Variants in PLA2R1 observed in about 807,000 individuals in gnomAD.
The protein encoded by PLA2R1 is secretory phospholipase A2 receptor.
A neutral mutation model predicts 195.9 loss-of-function variants in PLA2R1; 158 were observed. The ratio of observed to expected loss-of-function variants is 0.81; its 90% confidence interval spans 0.71 to 0.92. PLA2R1 has a LOEUF of 0.92. PLA2R1 is among the 40% of genes least tolerant of loss of function. PLA2R1 has a pLI of 0.00. For synonymous variants in PLA2R1, 586 were observed against 598.2 expected, an observed-to-expected ratio of 0.98 and a Z score of 0.30; for missense variants, 1,626 against 1,764.6, an observed-to-expected ratio of 0.92 and a Z score of 1.41.
intron 11 of PLA2R1, among the ~76,000 whole-genome samples, chr2:159,998,261 T>C (rs1293303927): frequency 6.6e-6 from 1 of 152,188 alleles, no homozygotes; most frequent in Non-Finnish European, 1.5e-5. Context: ...GAAAGTCTAA[T>C]ATTTATTAAG....
chr2:159,990,379 C>G (rs1690688597), intron 11 of PLA2R1, among the ~76,000 whole-genome samples: 1 of 152,178 alleles, frequency 6.6e-6, no homozygotes, highest in Non-Finnish European at 1.5e-5. Context: ...TTAAGAAATT[C>G]TGATTCACCA....
chr2:160,051,338 T>C (rs1299087711), intron 1 of PLA2R1, among the ~76,000 whole-genome samples: 1 of 152,224 alleles, frequency 6.6e-6, no homozygotes, highest in African/African-American at 2.4e-5. Context: ...CCCCAGTCCA[T>C]AGGTTTGAAA....
intron 28 of PLA2R1, among the ~76,000 whole-genome samples, chr2:159,943,088 G>A (rs1363030370): frequency 3.4e-5 from 5 of 147,350 alleles, no homozygotes; most frequent in African/African-American, 4.9e-5. Context: ...TCTTGCCTCA[G>A]CTTCCTTAGT....
intron 10 of PLA2R1, among the ~76,000 whole-genome samples, chr2:160,008,023 T>C (rs930380504): frequency 9.2e-5 from 14 of 152,248 alleles, no homozygotes. Flanking sequence ...CAGTGTGGGC[T>C]GGGCATATTG....
chr2:160,025,926 C>T (rs1055537531), intron 6 of PLA2R1, among the ~76,000 whole-genome samples: 2 of 152,082 alleles, frequency 1.3e-5, no homozygotes, highest in Non-Finnish European at 2.9e-5. Context: ...GTAGGATGAA[C>T]AAGTCTGAAG....
At chr2:159,946,133 A>T (rs1511223) in intron 27 of PLA2R1, 21 of 772,614 alleles carry the variant, frequency 2.7e-5, no homozygotes, top group Non-Finnish European at 3.3e-5. Context: ...GTCTGAAAAT[A>T]ATTTAAAACT....
chr2:159,976,999 A>G (rs1333878254), intron 15 of PLA2R1, among the ~76,000 whole-genome samples: 2 of 152,218 alleles, frequency 1.3e-5, no homozygotes, highest in African/African-American at 2.4e-5. Flanking sequence ...TGTGCAAGTA[A>G]TTCCATTTGC....
chr2:160,043,142 C>T (rs72970765), intron 2 of PLA2R1, among the ~76,000 whole-genome samples: 14,062 of 152,128 alleles, frequency 0.092, 932 homozygotes, highest in East Asian at 0.25. Flanking sequence ...GCTGTCTCCC[C>T]GCCATACTGC....
intron 27 of PLA2R1, 98 bp from the exon 28 acceptor site, chr2:159,945,180 AT>A: frequency 1.7e-6 from 1 of 581,932 alleles, no homozygotes; most frequent in Non-Finnish European, 2.6e-6. Flanking sequence ...GAATTTTTTT[AT>A]TTTTTTATTT....
chr2:160,062,325 G>C lies in PLA2R1; in HGVS notation c.79C>G (p.Leu27Val), dbSNP rs1271428092. The change falls in exon 1 of 30, where the codon CTT (leucine) becomes GTT (valine). Residue 27 changes from leucine to valine, a missense_variant. By Grantham distance (32) the Leu-to-Val change is conservative. Coordinates refer to ENST00000283243, the MANE Select transcript of PLA2R1 (RefSeq NM_007366.5). ...CACTCCAGGAGCCGCTCGGGGGTAA[G>C]CGCCGCCGCCACACCCTCGGCGCAG... is the stretch of plus-strand genomic sequence containing the variant. The part of the protein sequence containing the change: ...RGCAEGVAAA[L>V]TPERLLEWQD... 6.6e-7 allele frequency: 1 copy of C among 1,525,010 alleles called. No homozygotes were observed. Among genetic ancestry groups the C allele is most frequent in the Admixed American group, 2.1e-5 (1 of 48,194 alleles). The allele number at this position is 1,525,010 out of a possible 1,614,324, so 94.5% of individuals were successfully genotyped here. A position where few individuals can be genotyped will look rare whatever the true frequency, so the allele number is the denominator to read the frequency against.
At chr2:159,979,775 TC>T in intron 14 of PLA2R1, 54 bp downstream of exon 14, 1 of 1,018,166 alleles carries the variant, frequency 9.8e-7, no homozygotes, top group Non-Finnish European at 1.5e-6. Flanking sequence ...TACCAAGTGG[TC>T]CCAGGCCCAC....
chr2:159,951,471 CA>C lies in PLA2R1; in HGVS notation c.3408del (p.Tyr1136Ter), dbSNP rs1417669187. 6.2e-7 allele frequency: 1 copy of C among 1,610,238 alleles called. No homozygotes were observed. The highest frequency in any genetic ancestry group is 1.7e-4 in the Middle Eastern group (1 of 6,056). On this transcript the variant is annotated frameshift_variant, in exon 24 of 30. Transcript: ENST00000283243. LOFTEE classifies it high-confidence loss of function. ...TGCATCAGGCAGGTTTTTATTGCTGCATACCAAGTCATATTTGCATTAATTA... is the reference window on the plus strand; with the variant it reads ...TGCATCAGGCAGGTTTTTATTGCTGCTACCAAGTCATATTTGCATTAATTA... ...YKIINANMTW[Y>X]AAIKTCLMHK...
intron 1 of PLA2R1, among the ~76,000 whole-genome samples, chr2:160,056,283 C>T (rs977778178): frequency 6.6e-6 from 1 of 152,066 alleles, no homozygotes; most frequent in African/African-American, 2.4e-5. Context: ...CATATGTAGA[C>T]CTATATGCTG....
intron 16 of PLA2R1, 34 bp from the exon 17 acceptor site, chr2:159,976,259 G>T: frequency 2.0e-6 from 3 of 1,515,842 alleles, no homozygotes; most frequent in South Asian, 2.4e-5. Flanking sequence ...ATGCTGAAAT[G>T]ATAAATAGGT....
At position 159,987,195 on chromosome 2, in the gene PLA2R1, CA is replaced by C. The variant is rs751682825; in HGVS notation, c.1997del (p.Leu666TrpfsTer22). ...CCAGACCAGGCTCTGACTCCCAGTC[CA>C]AATAGCAGGGGTGAAAGGGCCATCT... is the stretch of plus-strand genomic sequence containing the variant. Reference protein sequence around the residue: ...EERWPFHPCYLDWESEPGLAS... With the variant: ...EERWPFHPCYXDWESEPGLAS... On this transcript the variant is annotated frameshift_variant, in exon 12 of 30. Coordinates refer to ENST00000283243, the MANE Select transcript of PLA2R1 (RefSeq NM_007366.5). LOFTEE classifies it high-confidence loss of function. 172 of 1,614,058 alleles carry C rather than the reference CA, an allele frequency of 1.1e-4. No individual in the cohort carries two copies. Among genetic ancestry groups the C allele is most frequent in the Non-Finnish European group, 1.4e-4 (169 of 1,179,964 alleles).
At chr2:159,988,255 T>C (rs1352755128) in intron 11 of PLA2R1, among the ~76,000 whole-genome samples, 1 of 151,992 alleles carries the variant, frequency 6.6e-6, no homozygotes, top group African/African-American at 2.4e-5. Context: ...GAGCTTGTTT[T>C]TTCTTGAATC....
At chr2:160,026,745 G>A in intron 6 of PLA2R1, among the ~76,000 whole-genome samples, 1 of 152,214 alleles carries the variant, frequency 6.6e-6, no homozygotes, top group South Asian at 2.1e-4. Context: ...GACTCTGGCA[G>A]CAATTAGAAT....
rs1429268507 is a variant in PLA2R1, at chr2:159,940,550, T to C, written c.*1228A>G. The C allele has an allele frequency of 6.6e-6, 1 of 152,204 alleles. No individual in the cohort carries two copies. Among genetic ancestry groups the C allele is most frequent in the Admixed American group, 6.5e-5 (1 of 15,282 alleles). 9.4% of individuals were successfully genotyped at this position (152,204 alleles called of 1,614,324 possible). ...CTGGGACTACAGGTGCGTGCCACCA[T>C]GCTCAGTACACTTTTTTCTTGATAA... On this transcript the variant is annotated 3_prime_UTR_variant, in exon 30 of 30. Coordinates refer to ENST00000283243, the MANE Select transcript of PLA2R1 (RefSeq NM_007366.5).
chr2:159,955,624 A>G (rs1486525415), intron 22 of PLA2R1, 74 bp downstream of exon 22: 4 of 709,102 alleles, frequency 5.6e-6, no homozygotes, highest in Non-Finnish European at 8.4e-6. Context: ...GGAAATAAAA[A>G]AAGCTTTAGT....
Sources: allele counts gnomAD v4.1 joint callset (sites outside exome capture counted in the v4.1 genomes callset), GRCh38; gene constraint gnomAD v4.1.1; transcripts MANE v1.5; gene names NCBI Gene and HGNC (gene_info 2026-07-23, HGNC 2026-07-21).